Variants in TTN observed in about 807,000 individuals in gnomAD.
TTN encodes the protein titin, also known as connectin.
Under a neutral mutation model 3,223.0 loss-of-function variants are expected in TTN, and 1,525 were observed. That is an observed-to-expected ratio of 0.47 (90% CI 0.45 to 0.49). The LOEUF is 0.49. Ranked by LOEUF, TTN falls within the 20% of genes least tolerant of loss-of-function variation. The pLI is 0.00. For missense variants in TTN, 40,786 were observed against 43,424.0 expected, an observed-to-expected ratio of 0.94 and a Z score of 5.40; for synonymous variants, 14,094 against 15,161.0, an observed-to-expected ratio of 0.93 and a Z score of 5.17.
intron 33 of TTN, among the ~76,000 whole-genome samples, chr2:178,771,757 C>T (rs1479276496): frequency 1.3e-5 from 2 of 152,152 alleles, no homozygotes; most frequent in Non-Finnish European, 2.9e-5. Flanking sequence ...CCAGGATAGT[C>T]TCTAACCCAA....
chr2:178,588,492 G>A (rs1366640517), intron 304 of TTN, 46 bp downstream of exon 304: 1 of 1,480,002 alleles, frequency 6.8e-7, no homozygotes, highest in African/African-American at 1.4e-5. Context: ...TTCTGTGCTT[G>A]AGATTAAGAG....
chr2:178,784,110 C>G lies in TTN; in HGVS notation c.2735G>C (p.Arg912Pro). Reference protein sequence around the residue: ...VGVSITGTTVREERFEVLHGR... With the variant: ...VGVSITGTTVPEERFEVLHGR... ...GTGCAGTACTTCAAAGCGCTCTTCACGGACGGTGGTGCCAGTGATGCTCAC... is the reference window on the plus strand; with the variant it reads ...GTGCAGTACTTCAAAGCGCTCTTCAGGGACGGTGGTGCCAGTGATGCTCAC... The change falls in exon 16 of 363, where the codon CGT becomes CCT. Residue 912 changes from arginine to proline, a missense_variant. Coordinates refer to ENST00000589042, the MANE Select transcript of TTN (RefSeq NM_001267550.2). 1 of 1,614,002 alleles carries G rather than the reference C, an allele frequency of 6.2e-7. No homozygotes were observed. The highest frequency in any genetic ancestry group is 1.1e-5 in the South Asian group (1 of 91,080).
chr2:178,767,705 G>A (rs2090725221), intron 40 of TTN, 54 bp downstream of exon 40: 4 of 1,597,742 alleles, frequency 2.5e-6, no homozygotes, highest in African/African-American at 1.3e-5. Context: ...AATATAAAAT[G>A]ATAGATTATG....
rs375401971 is a variant in TTN, at chr2:178,588,544, G to A, written c.63181C>T (p.Pro21061Ser). 12 of 1,524,202 alleles carry A rather than the reference G, an allele frequency of 7.9e-6. No individual in the cohort carries two copies. The African/African-American group carries it at 1.7e-4, about 21-fold the overall frequency. The allele number at this position is 1,524,202 out of a possible 1,614,324, so 94.4% of individuals were successfully genotyped here. Residue 21061 changes from proline (P) to serine (S), a missense_variant, in exon 304 of 363, where the codon CCC becomes TCC. By Grantham distance (74) the Pro-to-Ser change is moderately conservative. Transcript: ENST00000589042. ...LPSRPVVAKD[P>S]IEPPGPPTNF... ...AAAAACAAGGACATCCTACCTATGG[G>A]GTCTTTTGCCACCACCGGTCTTGAA...
intron 283 of TTN, 43 bp from the exon 284 acceptor site, chr2:178,602,193 G>T (rs573535626): frequency 6.3e-7 from 1 of 1,592,652 alleles, no homozygotes; most frequent in African/African-American, 1.4e-5. Flanking sequence ...GCTCATATTT[G>T]TCAAAAGTAA....
chr2:178,764,613 G>A lies in TTN; in HGVS notation c.9902C>T (p.Ala3301Val). 6.2e-7 allele frequency: 1 copy of A among 1,614,114 alleles called. No individual in the cohort carries two copies. Among genetic ancestry groups the A allele is most frequent in the Non-Finnish European group, 8.5e-7 (1 of 1,180,000 alleles). Residue 3301 changes from alanine to valine, a missense_variant, in exon 42 of 363, where the codon GCC (alanine) becomes GTC (valine). Coordinates refer to ENST00000589042, the MANE Select transcript of TTN (RefSeq NM_001267550.2). Reference protein sequence around the residue: ...GQEYTLLLIEAFPEDAAVYTC... With the variant: ...GQEYTLLLIEVFPEDAAVYTC... Reference sequence around the variant, plus strand: ...ATAGACTGCCGCATCCTCTGGGAAGGCTTCAATTAGCAAAAGCGTGTATTC... The same window carrying A: ...ATAGACTGCCGCATCCTCTGGGAAGACTTCAATTAGCAAAAGCGTGTATTC...
chr2:178,651,413 C>A, intron 207 of TTN, 40 bp downstream of exon 207: 1 of 1,601,222 alleles, frequency 6.2e-7, no homozygotes, highest in Non-Finnish European at 8.5e-7. Context: ...AAGCTGGGGG[C>A]TCCATCCGCC....
rs892446768 is a variant in TTN at position 178,576,372 on chromosome 2, T to C, written c.69760A>G (p.Lys23254Glu). ...CCCCATGCCAAAGAAGCAGATTTCT[T>C]GGTAGTATCAGTGACATGCGGATTT... ...PSNPHVTDTTKKSASLAWGKP... is the reference protein window; with the variant it reads ...PSNPHVTDTTEKSASLAWGKP... The change falls in exon 326 of 363, where the codon AAG becomes GAG. Residue 23254 changes from lysine to glutamate, a missense_variant. Transcript: ENST00000589042. The surrounding 1 kb of genome is among the most constrained non-coding windows in gnomAD (Gnocchi z 4.3). 6.4e-7 allele frequency: 1 copy of C among 1,559,270 alleles called. No homozygotes were observed. Among genetic ancestry groups the C allele is most frequent in the Non-Finnish European group, 8.6e-7 (1 of 1,159,940 alleles).
In TTN at chr2:178,576,036, C is replaced by T. The variant is rs1238454141; in HGVS notation, c.70096G>A (p.Val23366Met). 3 of 1,613,336 alleles carry T rather than the reference C, an allele frequency of 1.9e-6. No homozygotes were observed. The highest frequency in any genetic ancestry group is 8.5e-7 in the Non-Finnish European group (1 of 1,179,516). Residue 23366 changes from valine to methionine, a missense_variant, in exon 326 of 363, where the codon GTG (valine) becomes ATG (methionine). Transcript: ENST00000589042. This position sits in a 1 kb window ranked among gnomAD's most constrained non-coding sequence, Gnocchi z 4.3. ...GGAGCAGGACGACCTTTAATTGGCA[C>T]AAATATCCTAATACTGAGTCCTGCT... ...VRAGLSIRIFVPIKGRPAPEV... is the reference protein window; with the variant it reads ...VRAGLSIRIFMPIKGRPAPEV...
rs1300492136 is a variant in TTN, at chr2:178,741,575, A to G, written c.11658T>C (p.Asp3886=). 2 of 1,613,850 alleles carry G rather than the reference A, an allele frequency of 1.2e-6. No homozygotes were observed. Among genetic ancestry groups the G allele is most frequent in the Non-Finnish European group, 1.7e-6 (2 of 1,179,820 alleles). ...TGGCCATACATGTATACTCTCCCTC[A>G]TCCTCCAATTTGGTGAACAGAATGA... ...SLIILFTKLE[D]EGEYTCMASN... is the part of the protein sequence containing the mutation. Residue 3886 remains aspartate, a synonymous_variant, in exon 48 of 363, where the codon GAT becomes GAC. Transcript: ENST00000589042.
chr2:178,600,765 GAT>G, intron 288 of TTN, 87 bp downstream of exon 288: 1 of 1,478,886 alleles, frequency 6.8e-7, no homozygotes, highest in Non-Finnish European at 9.4e-7. Flanking sequence ...CTAAGGTACA[GAT>G]ATAGCTCTTT....
rs2078868212 is a variant in TTN, at chr2:178,723,842, G to T, written c.21403+14C>A. On this transcript the variant is annotated intron_variant, in intron 73 of 362. Transcript: ENST00000589042. ...TTTGTAAGAAATTCCTTACAAGTTTGACTGTCTACTGACCTTGTACAGTTA... is the reference window on the plus strand; with the variant it reads ...TTTGTAAGAAATTCCTTACAAGTTTTACTGTCTACTGACCTTGTACAGTTA... 3 of 1,582,062 alleles carry T rather than the reference G, an allele frequency of 1.9e-6. No homozygotes were observed. Among genetic ancestry groups the T allele is most frequent in the South Asian group, 2.3e-5 (2 of 86,166 alleles).
In TTN at chr2:178,572,827, G is replaced by A. The variant is rs1424616183; in HGVS notation, c.73305C>T (p.Arg24435=). 8.1e-6 allele frequency: 13 copies of A among 1,613,254 alleles called. No individual in the cohort carries two copies. Among genetic ancestry groups the A allele is most frequent in the Admixed American group, 3.3e-5 (2 of 59,966 alleles). The change falls in exon 326 of 363, where the codon CGC becomes CGT. Residue 24435 remains arginine, a synonymous_variant. Coordinates refer to ENST00000589042, the MANE Select transcript of TTN (RefSeq NM_001267550.2). ...PPEIELDADL[R]KVVTIRACCT... is the part of the protein sequence containing the mutation. ...AGCAGGCCCTTATAGTAACAACTTT[G>A]CGCAGGTCAGCATCCAGTTCAATTT...
At position 178,580,227 on chromosome 2, in the gene TTN, T is replaced by C. The variant is rs1159944072; in HGVS notation, c.67060A>G (p.Thr22354Ala). 5 of 1,611,892 alleles carry C rather than the reference T, an allele frequency of 3.1e-6. No homozygotes were observed. Among genetic ancestry groups the C allele is most frequent in the Admixed American group, 1.7e-5 (1 of 59,750 alleles). ...GTCACATTGACAGGTGGCCCAGGAG[T>C]ATCTGGATAAATAGTAGGTAAATAA... ...EYTIVVKVLD[T>A]PGPPVNVTVK... The change falls in exon 318 of 363, where the codon ACT becomes GCT. Residue 22354 changes from threonine to alanine, a missense_variant and splice_region_variant. Thr to Ala is a moderately conservative substitution (Grantham distance 58). Coordinates refer to ENST00000589042, the MANE Select transcript of TTN (RefSeq NM_001267550.2).
chr2:178,726,863 TA>T, intron 69 of TTN: 1 of 379,024 alleles, frequency 2.6e-6, no homozygotes, highest in Non-Finnish European at 4.6e-6. Flanking sequence ...TGTGTTGAGG[TA>T]ATCAGAATTA....
In TTN at chr2:178,636,352, T is replaced by TA; in HGVS notation, c.41329+45dup. On this transcript the variant is annotated intron_variant, in intron 225 of 362. Transcript: ENST00000589042. This position sits in a 1 kb window ranked among gnomAD's most constrained non-coding sequence, Gnocchi z 4.3. ...AATGCAAGTTGCTACTAAGGTTTGT[T>TA]ACATTAAAGTTTAATATAGATTATG... 6.5e-7 allele frequency: 1 copy of TA among 1,535,768 alleles called. No individual in the cohort carries two copies. Among genetic ancestry groups the TA allele is most frequent in the Non-Finnish European group, 8.7e-7 (1 of 1,143,768 alleles).
Position 178,739,931 on chromosome 2 carries a change from T to C in TTN, c.13302A>G (p.Gln4434=). ...KVEVEAVNIT[Q]EPRHIMCMYL... is the part of the protein sequence containing the mutation. ...ACATGCACATGATGTGTCTGGGCTC[T>C]TGGGTGATGTTTACAGCCTCGACCT... Residue 4434 remains glutamine, a synonymous_variant, in exon 48 of 363, where the codon CAA becomes CAG. Coordinates refer to ENST00000589042, the MANE Select transcript of TTN (RefSeq NM_001267550.2). 1.2e-6 allele frequency: 2 copies of C among 1,613,884 alleles called. No individual in the cohort carries two copies. Among genetic ancestry groups the C allele is most frequent in the Middle Eastern group, 3.3e-4 (2 of 6,062 alleles).
intron 103 of TTN, 50 bp downstream of exon 103, chr2:178,705,124 T>C: frequency 1.9e-6 from 3 of 1,595,636 alleles, no homozygotes; most frequent in Non-Finnish European, 2.6e-6. Context: ...ATATGTGAGA[T>C]GTTTTAAATG....
intron 80 of TTN, 58 bp downstream of exon 80, chr2:178,720,327 G>T: frequency 6.3e-7 from 1 of 1,591,606 alleles, no homozygotes. Context: ...CAAGTTATTA[G>T]TTAGGCAAGA....
Sources: allele counts gnomAD v4.1 joint callset (sites outside exome capture counted in the v4.1 genomes callset), GRCh38; gene constraint gnomAD v4.1.1; non-coding constraint Gnocchi (gnomAD v3.1); transcripts MANE v1.5; gene names NCBI Gene and HGNC (gene_info 2026-07-23, HGNC 2026-07-21).